ZNF44: variants seen among roughly 807,000 people sequenced by gnomAD.
ZNF44 encodes zinc finger protein 44, also known as gonadotropin inducible transcription repressor-2.
ZNF44 carries 9 observed loss-of-function variants against 11.7 expected under a neutral mutation model. That is an observed-to-expected ratio of 0.77 (90% CI 0.46 to 1.35). The LOEUF is 1.35. Among genes scored for constraint, ZNF44 ranks in the 40% most tolerant of loss-of-function variants. The pLI is 0.00. For missense variants in ZNF44, 696 were observed against 743.1 expected, an observed-to-expected ratio of 0.94 and a Z score of 0.74; for synonymous variants, 224 against 242.7, an observed-to-expected ratio of 0.92 and a Z score of 0.72.
chr19:12,227,668 TTG>T (rs1915976672), intron 3 of ZNF44, among the ~76,000 whole-genome samples: 2 of 152,220 alleles, frequency 1.3e-5, no homozygotes, highest in Non-Finnish European at 1.5e-5. Flanking sequence ...TCTGTTACCT[TTG>T]TGGCACACAA....
At chr19:12,260,602 AAAAAAC>A (rs1032944307) in intron 5 of ZNF44, 27 of 634,966 alleles carry the variant, frequency 4.3e-5, no homozygotes, top group African/African-American at 7.5e-5. Context: ...TCATGCCCGC[AAAAAAC>A]AAAAACAAAA....
chr19:12,293,313 C>G (rs1968096928), intron 1 of ZNF44: 7 of 1,536,976 alleles, frequency 4.6e-6, no homozygotes, highest in South Asian at 1.2e-5. Context: ...CCACTAGGCC[C>G]TCCATGAGAT....
chr19:12,282,416 GTCT>G (rs919614339), intron 1 of ZNF44, among the ~76,000 whole-genome samples: 3 of 132,228 alleles, frequency 2.3e-5, no homozygotes, highest in Non-Finnish European at 4.7e-5. Flanking sequence ...ACTTGGAGAA[GTCT>G]TCTTTTTTTT....
chr19:12,247,439 A>G (rs2145687759), downstream of ZNF44: 3 of 1,327,468 alleles, frequency 2.3e-6, no homozygotes, highest in Non-Finnish European at 1.0e-6. Flanking sequence ...CTTTACATTC[A>G]TAGGGTTTCT....
chr19:12,242,472 T>C (rs986422784), upstream of ZNF44, among the ~76,000 whole-genome samples: 55 of 147,084 alleles, frequency 3.7e-4, no homozygotes, highest in African/African-American at 1.4e-3. Context: ...ATTGCACTAC[T>C]GCACTCCAGC....
chr19:12,249,276 CG>C (rs958892408), intron 7 of ZNF44, among the ~76,000 whole-genome samples: 1 of 151,246 alleles, frequency 6.6e-6, no homozygotes, highest in African/African-American at 2.4e-5. Flanking sequence ...GAGGCCGAGG[CG>C]GGCGGATCAC....
chr19:12,243,036 A>G (rs1916672211), downstream of ZNF44, among the ~76,000 whole-genome samples: 1 of 152,218 alleles, frequency 6.6e-6, no homozygotes, highest in African/African-American at 2.4e-5. Context: ...TACGTCATGC[A>G]AGAACACACA....
At chr19:12,271,110 T>C (rs143502890), downstream of ZNF44, among the ~76,000 whole-genome samples, 48 of 152,278 alleles carry the variant, frequency 3.2e-4, no homozygotes, top group Middle Eastern at 3.4e-3. Context: ...AGCAGTGCCA[T>C]TGATTTGGAC....
In ZNF44 at chr19:12,294,857, C is replaced by G. The variant is rs909326762; in HGVS notation, c.-163G>C. 1.3e-5 allele frequency: 10 copies of G among 747,174 alleles called. No homozygotes were observed. Among genetic ancestry groups the G allele is most frequent in the Non-Finnish European group, 1.8e-5 (9 of 489,580 alleles). The allele number at this position is 747,174 out of a possible 1,614,324, so 46.3% of individuals were successfully genotyped here. On this transcript the variant is annotated 5_prime_UTR_variant, in exon 1 of 4. Transcript: ENST00000355684. ...CCACTAGCTCCTGGAACGTCACACC[C>G]TCCTCTCTGCCTCGCGCCTGATTGA...
chr19:12,294,013 GAGAGTCA>G, intron 1 of ZNF44, among the ~76,000 whole-genome samples: 1 of 151,350 alleles, frequency 6.6e-6, no homozygotes, highest in South Asian at 2.1e-4. Context: ...CCGCCTCCCT[GAGAGTCA>G]GGTCACAGCA....
chr19:12,262,462 G>C (rs1052458666), intron 5 of ZNF44, among the ~76,000 whole-genome samples: 9 of 151,944 alleles, frequency 5.9e-5, no homozygotes, highest in African/African-American at 2.2e-4. Context: ...GTAGAGACAG[G>C]GTTTCACTGT....
chr19:12,287,928 C>T (rs1967834181), intron 1 of ZNF44, among the ~76,000 whole-genome samples: 1 of 152,194 alleles, frequency 6.6e-6, no homozygotes, highest in African/African-American at 2.4e-5. Flanking sequence ...TGAATACATA[C>T]TGAACCTATA....
intron 5 of ZNF44, among the ~76,000 whole-genome samples, chr19:12,264,315 A>C (rs73004257): frequency 0.17 from 25,801 of 152,114 alleles, 2,254 homozygotes; most frequent in East Asian, 0.25. Context: ...GGACACCTGC[A>C]GGGGAAGCAC....
downstream of ZNF44, among the ~76,000 whole-genome samples, chr19:12,266,977 G>T (rs1917756230): frequency 6.6e-6 from 1 of 152,020 alleles, no homozygotes; most frequent in South Asian, 2.1e-4. Context: ...GGAAAGAAAG[G>T]CTGTTGGTGG....
chr19:12,264,216 G>A (rs981137061), intron 5 of ZNF44, among the ~76,000 whole-genome samples: 3 of 152,192 alleles, frequency 2.0e-5, no homozygotes, highest in African/African-American at 7.2e-5. Flanking sequence ...GTTTTCCAAT[G>A]CTCAGTTTCT....
intron 5 of ZNF44, among the ~76,000 whole-genome samples, chr19:12,257,284 G>A (rs1487622407): frequency 6.6e-6 from 1 of 152,210 alleles, no homozygotes; most frequent in Non-Finnish European, 1.5e-5. Flanking sequence ...GATATTGGGT[G>A]TAGGGGCTCA....
chr19:12,231,579 T>TGGAAATGG (rs1228072521), intron 2 of ZNF44, among the ~76,000 whole-genome samples: 2 of 151,998 alleles, frequency 1.3e-5, no homozygotes, highest in African/African-American at 2.4e-5. Context: ...CTTGATGCAG[T>TGGAAATGG]GGAAATGGGG....
chr19:12,292,704 T>A (rs1968059870), intron 1 of ZNF44, among the ~76,000 whole-genome samples: 1 of 152,044 alleles, frequency 6.6e-6, no homozygotes, highest in South Asian at 2.1e-4. Context: ...TTAGAAACAG[T>A]TTTCTAGCTT....
downstream of ZNF44, chr19:12,247,428 T>G: frequency 7.6e-7 from 1 of 1,323,044 alleles, no homozygotes; most frequent in Non-Finnish European, 1.0e-6. Context: ...TTTTCCACAT[T>G]CTTTACATTC....
Sources: gnomAD v4.1 joint callset for allele counts (sites outside exome capture counted in the v4.1 genomes callset) on GRCh38, gnomAD v4.1.1 for gene constraint, MANE v1.5 for transcripts, NCBI Gene and HGNC (gene_info 2026-07-23, HGNC 2026-07-21) for gene names.